Variants in DCLK1 observed in about 807,000 individuals in gnomAD.
DCLK1 encodes serine/threonine-protein kinase DCLK1.
In DCLK1, 16 loss-of-function variants were observed where a neutral mutation model predicts 86.2. That is an observed-to-expected ratio of 0.19 (90% confidence interval 0.13 to 0.28). The LOEUF is 0.28. Among genes scored for constraint, DCLK1 ranks in the 10% least tolerant of loss-of-function variants. The pLI is 1.00. For synonymous variants in DCLK1, 369 were observed against 370.5 expected, an observed-to-expected ratio of 1.00 and a Z score of 0.05; for missense variants, 590 against 940.2, an observed-to-expected ratio of 0.63 and a Z score of 4.87.
chr13:36,068,067 T>A (rs1883832076), intron 3 of DCLK1, among the ~76,000 whole-genome samples: 1 of 152,250 alleles, frequency 6.6e-6, no homozygotes, highest in Non-Finnish European at 1.5e-5. Flanking sequence ...AACCATGGAC[T>A]ATGACCACAC....
chr13:36,086,424 A>T (rs1884601774), intron 3 of DCLK1, among the ~76,000 whole-genome samples: 1 of 150,510 alleles, frequency 6.6e-6, no homozygotes, highest in Non-Finnish European at 1.5e-5. Flanking sequence ...CTGGCACTAC[A>T]GCTGGAAATA....
intron 4 of DCLK1, among the ~76,000 whole-genome samples, chr13:35,932,707 A>T (rs1409722337): frequency 2.0e-5 from 3 of 152,196 alleles, no homozygotes; most frequent in Non-Finnish European, 1.5e-5. Flanking sequence ...CTCCCCCATG[A>T]CTCAACTACC....
chr13:36,007,711 G>C (rs966591978), intron 3 of DCLK1, among the ~76,000 whole-genome samples: 2 of 152,138 alleles, frequency 1.3e-5, no homozygotes, highest in Non-Finnish European at 2.9e-5. Flanking sequence ...AAACTCGTAA[G>C]GAGAGAAAGA....
chr13:36,067,729 C>T (rs1444096731), intron 3 of DCLK1, among the ~76,000 whole-genome samples: 3 of 152,044 alleles, frequency 2.0e-5, no homozygotes, highest in African/African-American at 7.2e-5. Flanking sequence ...ATCATGCTGC[C>T]ACTGAAATGC....
chr13:36,050,179 T>C (rs919928122), intron 3 of DCLK1, among the ~76,000 whole-genome samples: 1 of 152,234 alleles, frequency 6.6e-6, no homozygotes, highest in Non-Finnish European at 1.5e-5. Context: ...ATATAACTGC[T>C]ATCATCATTA....
chr13:35,990,342 C>G (rs1247906656), intron 3 of DCLK1, among the ~76,000 whole-genome samples: 1 of 152,174 alleles, frequency 6.6e-6, no homozygotes, highest in East Asian at 1.9e-4. Context: ...AAGAATCCTC[C>G]ACCTTGCCCA....
Position 35,875,840 on chromosome 13 carries a change from T to C in DCLK1, c.824-4500A>G, listed in dbSNP as rs75897734. On this transcript the variant is annotated intron_variant, in intron 4 of 16. Transcript: ENST00000360631. ...TGTTACTACTTGTGTGAACTCTTGGTATTCACTGAACTAACCCAAACTCTC... is the reference window on the plus strand; with the variant it reads ...TGTTACTACTTGTGTGAACTCTTGGCATTCACTGAACTAACCCAAACTCTC... 2.5e-3 allele frequency among the ~76,000 whole-genome samples: 374 copies of C among 152,302 alleles called. 5 individuals carry two copies. In the East Asian group the frequency reaches 0.032, roughly 13 times the overall value.
At position 35,907,978 on chromosome 13, in the gene DCLK1, T is replaced by A. The variant is rs182600729; in HGVS notation, c.824-36638A>T. Among the ~76,000 whole-genome samples, 716 of 152,186 alleles carry A rather than the reference T, an allele frequency of 4.7e-3. 4 individuals carry two copies. Among genetic ancestry groups the A allele is most frequent in the African/African-American group, 0.017 (687 of 41,524 alleles). ...AATAACAGTTCTAAGAACATTTAAT[T>A]TTTTTTCCTCCTTGTTCTGGGGTGG... On this transcript the variant is annotated intron_variant, in intron 4 of 16. Coordinates refer to ENST00000360631, the MANE Select transcript of DCLK1 (RefSeq NM_001330071.2).
intron 4 of DCLK1, among the ~76,000 whole-genome samples, chr13:35,945,252 G>A (rs1877310609): frequency 6.6e-6 from 1 of 152,144 alleles, no homozygotes; most frequent in Non-Finnish European, 1.5e-5. Flanking sequence ...GAAAGGGGCA[G>A]TGCACCTACT....
intron 4 of DCLK1, among the ~76,000 whole-genome samples, chr13:35,923,536 G>T (rs1251110692): frequency 2.0e-5 from 3 of 151,926 alleles, no homozygotes; most frequent in African/African-American, 7.3e-5. Context: ...AGCAGTGGGG[G>T]GTAGAGAGGC....
chr13:35,857,323 G>A (rs1020822419), intron 5 of DCLK1, among the ~76,000 whole-genome samples: 2 of 152,068 alleles, frequency 1.3e-5, no homozygotes, highest in African/African-American at 4.8e-5. Flanking sequence ...ATGCTAATGA[G>A]ACATGTGATA....
chr13:36,088,738 T>C (rs1884707473), intron 3 of DCLK1, among the ~76,000 whole-genome samples: 1 of 152,168 alleles, frequency 6.6e-6, no homozygotes. Flanking sequence ...ACATTAGTGG[T>C]AGAAAAAGAT....
chr13:36,126,864 A>C (rs1886206004), intron 1 of DCLK1, among the ~76,000 whole-genome samples: 1 of 152,232 alleles, frequency 6.6e-6, no homozygotes, highest in Admixed American at 6.5e-5. Context: ...CCTTCCTTAC[A>C]AAAGAAGAAA....
intron 2 of DCLK1, among the ~76,000 whole-genome samples, chr13:36,124,543 T>C (rs1886102366): frequency 6.6e-6 from 1 of 152,168 alleles, no homozygotes; most frequent in South Asian, 2.1e-4. Context: ...ATCACATACA[T>C]ACACTGGTTA....
chr13:35,936,493 G>A (rs1432272205), intron 4 of DCLK1, among the ~76,000 whole-genome samples: 2 of 152,340 alleles, frequency 1.3e-5, no homozygotes, highest in African/African-American at 4.8e-5. Context: ...GCAGATCTAT[G>A]AGAAGGATTC....
intron 3 of DCLK1, among the ~76,000 whole-genome samples, chr13:35,966,740 G>A (rs575549329): frequency 2.6e-3 from 402 of 152,132 alleles, no homozygotes; most frequent in Non-Finnish European, 3.4e-3. Flanking sequence ...TCCTGACCGC[G>A]AGTGATCTGC....
intron 2 of DCLK1, among the ~76,000 whole-genome samples, chr13:36,120,538 G>A (rs559253109): frequency 6.6e-6 from 1 of 152,236 alleles, no homozygotes; most frequent in South Asian, 2.1e-4. Context: ...ACTCTATGAT[G>A]TTCCCACAAT....
chr13:35,976,525 GTTTTTTTT>G lies in DCLK1; in HGVS notation c.724-29076_724-29069del, dbSNP rs11294824. On this transcript the variant is annotated intron_variant, in intron 3 of 16. Coordinates refer to ENST00000360631, the MANE Select transcript of DCLK1 (RefSeq NM_001330071.2). ...CTCCCAGCACTTCAGCTTCTCCGAG[GTTTTTTTT>G]TTTTTTTTTTTTTTTGAGACGGAGT... Among the ~76,000 whole-genome samples, 10 of 56,348 alleles carry G rather than the reference GTTTTTTTT, an allele frequency of 1.8e-4. 1 individual carries two copies. In the Admixed American group the frequency reaches 2.5e-3, roughly 14 times the overall value. 37.0% of individuals were successfully genotyped at this position (56,348 alleles called of 152,430 possible).
intron 2 of DCLK1, among the ~76,000 whole-genome samples, chr13:36,121,439 G>A (rs753886779): frequency 7.2e-5 from 11 of 152,074 alleles, no homozygotes; most frequent in South Asian, 4.1e-4. Flanking sequence ...GAACTCTCAC[G>A]CCATCTTGCT....
Sources: allele counts gnomAD v4.1 joint callset (sites outside exome capture counted in the v4.1 genomes callset), GRCh38; gene constraint gnomAD v4.1.1; transcripts MANE v1.5; gene names NCBI Gene and HGNC (gene_info 2026-07-23, HGNC 2026-07-21).